Variants in ASAP1 observed in about 807,000 individuals in gnomAD.
ASAP1 encodes the protein ArfGAP with SH3 domain, ankyrin repeat and PH domain 1, also known as arf-GAP with SH3 domain, ANK repeat and PH domain-containing protein 1.
A neutral mutation model predicts 145.2 loss-of-function variants in ASAP1; 43 were observed. That is an observed-to-expected ratio of 0.30 (90% CI 0.23 to 0.38). The LOEUF is 0.38. ASAP1 is among the 10% of genes least tolerant of loss of function. ASAP1 has a pLI of 1.00. For synonymous variants in ASAP1, 546 were observed against 515.5 expected, an observed-to-expected ratio of 1.06 and a Z score of -0.80; for missense variants, 1,018 against 1,355.3, an observed-to-expected ratio of 0.75 and a Z score of 3.91.
At chr8:130,258,777 C>T (rs1257604030) in intron 3 of ASAP1, among the ~76,000 whole-genome samples, 1 of 152,206 alleles carries the variant, frequency 6.6e-6, no homozygotes, top group Non-Finnish European at 1.5e-5. Flanking sequence ...ATCTCTTATA[C>T]TCCAAATGGA....
chr8:130,194,527 T>C (rs10097893), intron 5 of ASAP1, among the ~76,000 whole-genome samples: 10,004 of 152,240 alleles, frequency 0.066, 1,117 homozygotes, highest in African/African-American at 0.23. Flanking sequence ...TTCACTTCTA[T>C]AGTTCTTTCA....
At chr8:130,218,986 A>G (rs1817115846) in intron 4 of ASAP1, among the ~76,000 whole-genome samples, 1 of 152,078 alleles carries the variant, frequency 6.6e-6, no homozygotes, top group Admixed American at 6.6e-5. Flanking sequence ...GTTTAGTAAG[A>G]TATATCTTGG....
At chr8:130,124,482 C>T (rs1237486907) in intron 17 of ASAP1, among the ~76,000 whole-genome samples, 1 of 152,228 alleles carries the variant, frequency 6.6e-6, no homozygotes, top group Non-Finnish European at 1.5e-5. Flanking sequence ...CTAGGTTAAA[C>T]TTTTAATAAA....
intron 3 of ASAP1, among the ~76,000 whole-genome samples, chr8:130,247,224 C>G (rs1249842176): frequency 7.3e-6 from 1 of 137,734 alleles, no homozygotes; most frequent in Non-Finnish European, 1.6e-5. Flanking sequence ...TCCTCAGAGT[C>G]TGATTTTGGT....
At chr8:130,408,446 C>T (rs1444505162) in intron 1 of ASAP1, among the ~76,000 whole-genome samples, 3 of 152,036 alleles carry the variant, frequency 2.0e-5, no homozygotes, top group Non-Finnish European at 2.9e-5. Flanking sequence ...TGGACACTGG[C>T]GCTCCTGGTT....
At chr8:130,384,499 G>T (rs904984140) in intron 2 of ASAP1, among the ~76,000 whole-genome samples, 1 of 152,078 alleles carries the variant, frequency 6.6e-6, no homozygotes, top group Non-Finnish European at 1.5e-5. Context: ...GTTTTTTTCA[G>T]ACGGAGTCTC....
chr8:130,077,448 C>T (rs1273016729), intron 26 of ASAP1, among the ~76,000 whole-genome samples: 1 of 151,952 alleles, frequency 6.6e-6, no homozygotes, highest in African/African-American at 2.4e-5. Context: ...AGCCAAGTGC[C>T]TGAGCCCCAT....
intron 13 of ASAP1, among the ~76,000 whole-genome samples, chr8:130,143,256 A>C (rs2097617051): frequency 6.6e-6 from 1 of 152,200 alleles, no homozygotes; most frequent in African/African-American, 2.4e-5. Context: ...TATAGGTTTC[A>C]CTTCTCATTA....
chr8:130,186,014 T>C (rs934735105), intron 7 of ASAP1, among the ~76,000 whole-genome samples: 3 of 152,206 alleles, frequency 2.0e-5, no homozygotes, highest in Admixed American at 6.5e-5. Flanking sequence ...GAAGACATAT[T>C]CTACAAGTGT....
intron 1 of ASAP1, among the ~76,000 whole-genome samples, chr8:130,428,902 A>G (rs1300943830): frequency 6.6e-6 from 1 of 152,178 alleles, no homozygotes; most frequent in Non-Finnish European, 1.5e-5. Context: ...TTATTCTCTC[A>G]CAATTCAGGA....
intron 4 of ASAP1, among the ~76,000 whole-genome samples, chr8:130,216,689 T>A (rs1461237982): frequency 2.0e-5 from 3 of 152,126 alleles, no homozygotes; most frequent in African/African-American, 4.8e-5. Flanking sequence ...ATACTTTCTA[T>A]CAGCTGATAA....
intron 13 of ASAP1, among the ~76,000 whole-genome samples, chr8:130,142,409 T>C (rs2097614140): frequency 6.6e-6 from 1 of 152,250 alleles, no homozygotes; most frequent in South Asian, 2.1e-4. Flanking sequence ...CTCTAAGTAC[T>C]TACTTTCATA....
At chr8:130,080,929 G>A (rs1051879152) in intron 25 of ASAP1, among the ~76,000 whole-genome samples, 1 of 152,124 alleles carries the variant, frequency 6.6e-6, no homozygotes, top group African/African-American at 2.4e-5. Context: ...CACCATACCC[G>A]GCCAAGTATT....
chr8:130,213,062 G>GA (rs1246959776), intron 5 of ASAP1, among the ~76,000 whole-genome samples: 1 of 152,210 alleles, frequency 6.6e-6, no homozygotes, highest in African/African-American at 2.4e-5. Flanking sequence ...GGCCTCCAGT[G>GA]AAAGTGCAGG....
chr8:130,428,054 G>A (rs1444921672), intron 1 of ASAP1, among the ~76,000 whole-genome samples: 1 of 151,998 alleles, frequency 6.6e-6, no homozygotes, highest in Non-Finnish European at 1.5e-5. Flanking sequence ...TGGCCACAAA[G>A]CACCCGCCCC....
At chr8:130,106,725 A>G (rs2097537350) in intron 24 of ASAP1, among the ~76,000 whole-genome samples, 1 of 152,228 alleles carries the variant, frequency 6.6e-6, no homozygotes, top group Non-Finnish European at 1.5e-5. Context: ...CAGCTCATTC[A>G]CAGCCCTTAT....
intron 24 of ASAP1, among the ~76,000 whole-genome samples, chr8:130,109,539 G>C (rs1401095674): frequency 6.6e-6 from 1 of 151,998 alleles, no homozygotes; most frequent in African/African-American, 2.4e-5. Context: ...GACTTCTGCT[G>C]CAAATAGAGA....
chr8:130,374,806 C>G (rs1309059481), intron 2 of ASAP1, among the ~76,000 whole-genome samples: 1 of 152,206 alleles, frequency 6.6e-6, no homozygotes, highest in Non-Finnish European at 1.5e-5. Context: ...GTGCATCCAG[C>G]TTCTTTTCAC....
chr8:130,168,522 G>A (rs973546986), intron 10 of ASAP1, among the ~76,000 whole-genome samples: 3 of 152,110 alleles, frequency 2.0e-5, no homozygotes, highest in East Asian at 1.9e-4. Context: ...CCCAGAAGGC[G>A]GACATTGCAG....
Sources: gnomAD v4.1 joint callset for allele counts (sites outside exome capture counted in the v4.1 genomes callset) on GRCh38, gnomAD v4.1.1 for gene constraint, MANE v1.5 for transcripts, NCBI Gene and HGNC (gene_info 2026-07-23, HGNC 2026-07-21) for gene names.